The following DPP6 variants were observed in gnomAD, a reference collection of about 807,000 sequenced individuals.
DPP6 encodes the protein A-type potassium channel modulatory protein DPP6.
A neutral mutation model predicts 122.6 loss-of-function variants in DPP6; 69 were observed. The observed-to-expected ratio is 0.56, with a 90% CI of 0.46 to 0.69. The LOEUF (loss-of-function observed/expected upper bound fraction) is 0.69. Among genes scored for constraint, DPP6 ranks in the 30% least tolerant of loss-of-function variants. DPP6 has a pLI of 0.00. For missense variants in DPP6, 928 were observed against 1,116.9 expected (o/e 0.83, Z 2.41); for synonymous variants, 418 against 433.1 (o/e 0.97, Z 0.43).
chr7:154,140,253 C>T (rs1241079009), intron 1 of DPP6, among the ~76,000 whole-genome samples: 1 of 152,196 alleles, frequency 6.6e-6, no homozygotes, highest in African/African-American at 2.4e-5. Context: ...GATTAAACAA[C>T]CATGATTCTG....
intron 5 of DPP6, among the ~76,000 whole-genome samples, chr7:154,632,894 A>G (rs1410208234): frequency 6.6e-6 from 1 of 152,234 alleles, no homozygotes; most frequent in African/African-American, 2.4e-5. Context: ...AGCAGACCAA[A>G]TATGAACTCA....
chr7:154,023,318 G>GCACACACACACACACACACACACA (rs1554436897), intron 1 of DPP6, among the ~76,000 whole-genome samples: 6 of 129,526 alleles, frequency 4.6e-5, no homozygotes, highest in African/African-American at 1.6e-4. Flanking sequence ...TTTCTTGTCT[G>GCACACACACACACACACACACACA]CACACACACA....
At chr7:154,619,007 T>C (rs1207388340) in intron 5 of DPP6, among the ~76,000 whole-genome samples, 1 of 152,140 alleles carries the variant, frequency 6.6e-6, no homozygotes, top group Non-Finnish European at 1.5e-5. Flanking sequence ...TCTTACAAGA[T>C]CTGATGGTTT....
intron 1 of DPP6, among the ~76,000 whole-genome samples, chr7:154,430,410 G>C (rs1175137198): frequency 1.3e-5 from 2 of 152,204 alleles, no homozygotes; most frequent in African/African-American, 4.8e-5. Flanking sequence ...TCTGAAGTCA[G>C]TGTGCTGGCG....
Position 154,023,318 on chromosome 7 carries a change from G to GCACGCGCACACACA in DPP6, c.51+135587_51+135588insGCGCACACACACAC, listed in dbSNP as rs373378162. On this transcript the variant is annotated intron_variant, in intron 1 of 25. Coordinates refer to the DPP6 transcript ENST00000404039. Reference sequence around the variant, plus strand: ...CAGGCTCTGGAAATGTTTCTTGTCTGCACACACACACACACACACACACAC... The same window carrying GCACGCGCACACACA: ...CAGGCTCTGGAAATGTTTCTTGTCTGCACGCGCACACACACACACACACACACACACACACACAC... Among the ~76,000 whole-genome samples the GCACGCGCACACACA allele has an allele frequency of 5.0e-3, 649 of 129,600 alleles. 8 individuals carry two copies. Among genetic ancestry groups the GCACGCGCACACACA allele is most frequent in the East Asian group, 0.013 (53 of 4,214 alleles). The allele number at this position is 129,600 out of a possible 152,430, so 85.0% of individuals were successfully genotyped here.
At chr7:154,701,362 A>G (rs569692313) in intron 7 of DPP6, among the ~76,000 whole-genome samples, 4 of 152,266 alleles carry the variant, frequency 2.6e-5, no homozygotes, top group African/African-American at 9.6e-5. Context: ...CTAAGCCTAT[A>G]CCTTTTTTAA....
chr7:154,836,656 T>C (rs1315063439), intron 16 of DPP6, among the ~76,000 whole-genome samples: 2 of 152,190 alleles, frequency 1.3e-5, no homozygotes, highest in African/African-American at 4.8e-5. Context: ...GGAAGAGATT[T>C]TATTTTAACA....
At chr7:154,450,008 CTAAA>C (rs66665335) in intron 2 of DPP6, among the ~76,000 whole-genome samples, 66,399 of 137,982 alleles carry the variant, frequency 0.48, 16,270 homozygotes, top group South Asian at 0.6. Flanking sequence ...GACTCCATCT[CTAAA>C]TAAATAAATA....
Position 154,106,907 on chromosome 7 carries a change from C to T in DPP6, c.243+53844C>T, listed in dbSNP as rs534072578. 5.9e-5 allele frequency among the ~76,000 whole-genome samples: 9 copies of T among 152,134 alleles called. No individual in the cohort carries two copies. In the South Asian group the frequency reaches 1.9e-3, roughly 32 times the overall value. ...AGGGGAGTGCAGAGAATGGATTTCA[C>T]CTTGAAAAGTGAATGTGGACCATAA... On this transcript the variant is annotated intron_variant, in intron 1 of 25. Transcript: ENST00000377770.
At chr7:154,322,886 A>G (rs1808099343) in intron 1 of DPP6, among the ~76,000 whole-genome samples, 1 of 152,204 alleles carries the variant, frequency 6.6e-6, no homozygotes, top group South Asian at 2.1e-4. Context: ...AACCGACGTT[A>G]TCAACCTGGT....
rs145801858 is a variant in DPP6 at position 154,234,492 on chromosome 7, C to T, written c.243+181429C>T. On this transcript the variant is annotated intron_variant, in intron 1 of 25. Transcript: ENST00000377770. Reference sequence around the variant, plus strand: ...GACCCCAACAGCCAGGCATTTTCTCCGTAGACTTTGCTCCAAGCCTCTTAT... The same window carrying T: ...GACCCCAACAGCCAGGCATTTTCTCTGTAGACTTTGCTCCAAGCCTCTTAT... Among the ~76,000 whole-genome samples the T allele has an allele frequency of 3.0e-3, 453 of 152,236 alleles. 4 individuals carry two copies. The highest frequency in any genetic ancestry group is 1.0e-2 in the African/African-American group (414 of 41,538).
At chr7:154,257,609 A>C (rs1037390252) in intron 1 of DPP6, among the ~76,000 whole-genome samples, 1 of 152,176 alleles carries the variant, frequency 6.6e-6, no homozygotes, top group African/African-American at 2.4e-5. Context: ...AGGCAGAAGA[A>C]TTTTCTGAAC....
intron 1 of DPP6, among the ~76,000 whole-genome samples, chr7:153,943,228 C>T (rs1246295795): frequency 6.6e-6 from 1 of 152,238 alleles, no homozygotes; most frequent in Non-Finnish European, 1.5e-5. Flanking sequence ...TAATGGCCAG[C>T]TCATGACACT....
rs1396212914 is a variant in DPP6 at position 154,483,387 on chromosome 7, A to AT, written c.457+8350_457+8351insT. On this transcript the variant is annotated intron_variant, in intron 3 of 25. Transcript: ENST00000377770. The surrounding 1 kb of genome is among the most constrained non-coding windows in gnomAD (Gnocchi z 8.1). Reference sequence around the variant, plus strand: ...TTAAAGGTAAACTGAGGCACAATACAATTTTTTTTTTTTTAAAAGCATTTA... The same window carrying AT: ...TTAAAGGTAAACTGAGGCACAATACATATTTTTTTTTTTTTAAAAGCATTTA... Among the ~76,000 whole-genome samples the AT allele has an allele frequency of 1.1e-5, 1 of 88,182 alleles. No individual in the cohort carries two copies. The highest frequency in any genetic ancestry group is 2.4e-5 in the Non-Finnish European group (1 of 41,160). 57.9% of individuals were successfully genotyped at this position (88,182 alleles called of 152,430 possible).
At chr7:154,733,729 G>T (rs1842446933) in intron 8 of DPP6, among the ~76,000 whole-genome samples, 1 of 152,184 alleles carries the variant, frequency 6.6e-6, no homozygotes, top group Non-Finnish European at 1.5e-5. Flanking sequence ...TAAAATGAAA[G>T]CCCTCCTGGG....
chr7:153,806,829 G>C, the DPP6 span, among the ~76,000 whole-genome samples: 1 of 146,600 alleles, frequency 6.8e-6, no homozygotes, highest in Non-Finnish European at 1.5e-5. Context: ...CAGAGAAGGG[G>C]TGAGGAAAGG....
intron 1 of DPP6, among the ~76,000 whole-genome samples, chr7:154,224,168 T>C (rs10228600): frequency 2.7e-5 from 4 of 147,822 alleles, no homozygotes; most frequent in African/African-American, 1.0e-4. Context: ...ATGGTGATGG[T>C]TGAGTGGAGA....
chr7:154,555,660 C>A, intron 4 of DPP6, among the ~76,000 whole-genome samples: 1 of 151,398 alleles, frequency 6.6e-6, no homozygotes, highest in Non-Finnish European at 1.5e-5. Context: ...TCAAAAAAAA[C>A]TAATAAGAAC....
chr7:154,872,508 G>T, intron 18 of DPP6, 116 bp from the exon 19 acceptor site: 2 of 1,447,840 alleles, frequency 1.4e-6, no homozygotes, highest in South Asian at 2.8e-5. Context: ...CTGTCTGTGG[G>T]CTTCCCCTCA....
Sources: allele counts gnomAD v4.1 joint callset (sites outside exome capture counted in the v4.1 genomes callset), GRCh38; gene constraint gnomAD v4.1.1; non-coding constraint Gnocchi (gnomAD v3.1); transcripts MANE v1.5; gene names NCBI Gene and HGNC (gene_info 2026-07-23, HGNC 2026-07-21).